The following CSMD3 variants were observed in gnomAD, a reference collection of about 807,000 sequenced individuals.
CSMD3 encodes the protein CUB and sushi domain-containing protein 3.
A neutral mutation model predicts 435.2 loss-of-function variants in CSMD3; 177 were observed. The ratio of observed to expected loss-of-function variants is 0.41; its 90% CI spans 0.36 to 0.46. CSMD3 has a LOEUF of 0.46. Among genes scored for constraint, CSMD3 ranks in the 20% least tolerant of loss-of-function variants. CSMD3 has a pLI of 0.34. For synonymous variants in CSMD3, 1,656 were observed against 1,520.5 expected (o/e 1.09, Z -2.07); for missense variants, 4,265 against 4,504.6 (o/e 0.95, Z 1.52).
At chr8:112,760,723 G>A (rs1307574676) in intron 13 of CSMD3, among the ~76,000 whole-genome samples, 3 of 152,042 alleles carry the variant, frequency 2.0e-5, no homozygotes, top group Admixed American at 6.6e-5. Context: ...TTTACATTTT[G>A]GTAGACTTAT....
At chr8:112,333,996 G>A (rs1311700225) in intron 45 of CSMD3, among the ~76,000 whole-genome samples, 9 of 152,028 alleles carry the variant, frequency 5.9e-5, no homozygotes. Context: ...TTCAGCCTTA[G>A]GCTATATCTG....
chr8:112,663,494 G>T (rs1469919722), intron 17 of CSMD3, among the ~76,000 whole-genome samples: 1 of 121,812 alleles, frequency 8.2e-6, no homozygotes, highest in African/African-American at 3.1e-5. Flanking sequence ...TGTGGGGTGG[G>T]GGGAGGGGGG....
At chr8:113,363,778 A>C (rs2094293424) in intron 1 of CSMD3, among the ~76,000 whole-genome samples, 1 of 152,078 alleles carries the variant, frequency 6.6e-6, no homozygotes, top group African/African-American at 2.4e-5. Context: ...TTTTTTTCTT[A>C]CAAGTTCACA....
rs778804807 is a variant in CSMD3, at chr8:112,492,543, T to C, written c.5224A>G (p.Ile1742Val). Residue 1742 changes from isoleucine to valine, a missense_variant, in exon 31 of 71, where the codon ATC (isoleucine) becomes GTC (valine). Coordinates refer to ENST00000297405, the MANE Select transcript of CSMD3 (RefSeq NM_198123.2). ...VLQGYSTLTC[I>V]MGDDGRPGWN... The stretch of plus-strand genomic sequence containing the variant: ...CCAGGTCTTCCATCATCTCCCATGA[T>C]ACAGGTGAGTGTTGAATAACCTTGA... The C allele has an allele frequency of 1.2e-6, 2 of 1,613,996 alleles. No homozygotes were observed. Among genetic ancestry groups the C allele is most frequent in the Non-Finnish European group, 1.7e-6 (2 of 1,179,882 alleles).
chr8:113,253,402 C>T (rs971771957), intron 3 of CSMD3, among the ~76,000 whole-genome samples: 2 of 151,980 alleles, frequency 1.3e-5, no homozygotes, highest in African/African-American at 4.8e-5. Flanking sequence ...CGACAGGCCC[C>T]GGTGTGTGAT....
intron 4 of CSMD3, among the ~76,000 whole-genome samples, chr8:113,105,843 C>T (rs986868016): frequency 1.3e-5 from 2 of 150,824 alleles, no homozygotes; most frequent in Non-Finnish European, 2.9e-5. Context: ...TAAATCCAGA[C>T]ACTAAATATC....
At chr8:112,260,547 A>G (rs927193721) in intron 61 of CSMD3, among the ~76,000 whole-genome samples, 1 of 152,176 alleles carries the variant, frequency 6.6e-6, no homozygotes, top group African/African-American at 2.4e-5. Context: ...AAAACAAAAC[A>G]CCATATCAAG....
intron 3 of CSMD3, among the ~76,000 whole-genome samples, chr8:113,256,328 A>G (rs2093380573): frequency 6.6e-6 from 1 of 152,180 alleles, no homozygotes; most frequent in Non-Finnish European, 1.5e-5. Context: ...ATTCATATTA[A>G]AAGATTTGGA....
chr8:112,569,886 T>G (rs548267673), intron 24 of CSMD3, among the ~76,000 whole-genome samples: 1 of 152,306 alleles, frequency 6.6e-6, no homozygotes, highest in Admixed American at 6.5e-5. Context: ...ACGCCCTCCT[T>G]TATGAAGTCT....
At chr8:112,699,683 T>C (rs768842147) in intron 13 of CSMD3, among the ~76,000 whole-genome samples, 1 of 152,208 alleles carries the variant, frequency 6.6e-6, no homozygotes, top group East Asian at 1.9e-4. Flanking sequence ...TGACGTTGTT[T>C]GCCTCCTGGT....
chr8:113,125,156 G>C (rs554784317), intron 4 of CSMD3, among the ~76,000 whole-genome samples: 3 of 151,994 alleles, frequency 2.0e-5, no homozygotes, highest in Admixed American at 6.6e-5. Context: ...TCCTGCATAA[G>C]GAGTAAGCAC....
chr8:112,955,088 T>A (rs1413382155), intron 7 of CSMD3, among the ~76,000 whole-genome samples: 13 of 151,648 alleles, frequency 8.6e-5, no homozygotes, highest in Non-Finnish European at 1.6e-4. Context: ...CATCAACTTT[T>A]ACGGAATAAA....
chr8:113,346,174 C>A (rs983867446), intron 1 of CSMD3, among the ~76,000 whole-genome samples: 1 of 151,886 alleles, frequency 6.6e-6, no homozygotes, highest in African/African-American at 2.4e-5. Context: ...GAGAGGAGGA[C>A]GTTTTCTTAC....
At chr8:113,316,707 G>A (rs557652500) in intron 1 of CSMD3, among the ~76,000 whole-genome samples, 7 of 152,010 alleles carry the variant, frequency 4.6e-5, no homozygotes, top group Non-Finnish European at 7.4e-5. Flanking sequence ...ACGCCACCAC[G>A]CCCAGCTAAT....
At chr8:112,466,659 C>A (rs1158925339) in intron 32 of CSMD3, among the ~76,000 whole-genome samples, 1 of 151,924 alleles carries the variant, frequency 6.6e-6, no homozygotes, top group East Asian at 1.9e-4. Flanking sequence ...TTACTTTTTT[C>A]TTCTGAATTA....
intron 13 of CSMD3, among the ~76,000 whole-genome samples, chr8:112,758,061 T>C (rs1022254357): frequency 1.3e-5 from 2 of 150,680 alleles, no homozygotes; most frequent in South Asian, 2.1e-4. Context: ...ATCTCAAAGA[T>C]TTAAAAAAAG....
At position 112,552,685 on chromosome 8, in the gene CSMD3, C is replaced by T. The variant is rs2131202227; in HGVS notation, c.4270G>A (p.Gly1424Arg). 6.2e-7 allele frequency: 1 copy of T among 1,611,986 alleles called. No individual in the cohort carries two copies. Among genetic ancestry groups the T allele is most frequent in the Non-Finnish European group, 8.5e-7 (1 of 1,178,784 alleles). ...CGGRFKGESS[G>R]RILSPGYPFP... ...GGATAGCCAGGAGATAAGATTCTTC[C>T]TGATGATTCTCCTTTAAAACGACCT... is the stretch of plus-strand genomic sequence containing the variant. The change falls in exon 26 of 71, where the codon GGA becomes AGA. Residue 1424 changes from glycine to arginine, a missense_variant. Transcript: ENST00000297405.
At chr8:112,723,402 A>T (rs1465302632) in intron 13 of CSMD3, among the ~76,000 whole-genome samples, 1 of 152,154 alleles carries the variant, frequency 6.6e-6, no homozygotes, top group Non-Finnish European at 1.5e-5. Context: ...TCTTGTGGTG[A>T]GTATATTAGA....
chr8:112,271,040 T>C (rs1237269434), intron 59 of CSMD3, among the ~76,000 whole-genome samples: 1 of 152,180 alleles, frequency 6.6e-6, no homozygotes. Context: ...GCTGATTTTC[T>C]TTCTTTGAAC....
Sources: gnomAD v4.1 joint callset for allele counts (sites outside exome capture counted in the v4.1 genomes callset) on GRCh38, gnomAD v4.1.1 for gene constraint, MANE v1.5 for transcripts, NCBI Gene and HGNC (gene_info 2026-07-23, HGNC 2026-07-21) for gene names.